Variants in RBPMS observed in about 807,000 individuals in gnomAD.
The protein encoded by RBPMS is RNA binding protein, mRNA processing factor, also known as RNA-binding protein with multiple splicing.
Under a neutral mutation model 26.8 loss-of-function variants are expected in RBPMS, and 7 were observed. The ratio of observed to expected loss-of-function variants is 0.26; its 90% CI spans 0.15 to 0.49. RBPMS has a LOEUF of 0.49. RBPMS is among the 20% of genes least tolerant of loss of function. RBPMS has a pLI of 0.98. For synonymous variants in RBPMS, 96 were observed against 93.3 expected (o/e 1.03, Z -0.17); for missense variants, 186 against 250.0 (o/e 0.74, Z 1.73).
intron 5 of RBPMS, among the ~76,000 whole-genome samples, chr8:30,535,146 C>G (rs1824652786): frequency 6.6e-6 from 1 of 152,130 alleles, no homozygotes; most frequent in African/African-American, 2.4e-5. Context: ...AGAAAACTGA[C>G]ATTTTCTTAA....
intron 6 of RBPMS, among the ~76,000 whole-genome samples, chr8:30,546,097 G>A (rs1825846171): frequency 6.6e-6 from 1 of 152,150 alleles, no homozygotes; most frequent in African/African-American, 2.4e-5. Context: ...TAGGATCTTT[G>A]TAGCAGGCTG....
intron 6 of RBPMS, chr8:30,558,577 A>G: frequency 2.1e-6 from 1 of 483,792 alleles, no homozygotes; most frequent in East Asian, 3.9e-5. Flanking sequence ...GCTGTGCCGG[A>G]TCTTAGCCTC....
At chr8:30,435,966 C>A (rs1812411659) in intron 1 of RBPMS, among the ~76,000 whole-genome samples, 1 of 152,084 alleles carries the variant, frequency 6.6e-6, no homozygotes, top group South Asian at 2.1e-4. Context: ...GCCACTGTGC[C>A]TGGCCTGGTT....
intron 5 of RBPMS, among the ~76,000 whole-genome samples, chr8:30,511,487 ATATATATATATATAT>A (rs1303691793): frequency 0.054 from 685 of 12,674 alleles, 35 homozygotes; most frequent in East Asian, 0.31. Context: ...AAAAAAAAAA[ATATATATATATATAT>A]ATATATATAT....
At position 30,477,940 on chromosome 8, in the gene RBPMS, T is replaced by A. The variant is rs1371508245; in HGVS notation, c.183+103T>A. 4 of 779,234 alleles carry A rather than the reference T, an allele frequency of 5.1e-6. No homozygotes were observed. In the East Asian group the frequency reaches 1.0e-4, roughly 20 times the overall value. The allele number at this position is 779,234 out of a possible 1,614,324, so 48.3% of individuals were successfully genotyped here. A position where few individuals can be genotyped will look rare whatever the true frequency, so the allele number is the denominator to read the frequency against. ...TTTATTCCCATTAGAATTTGAGGGG[T>A]TTTTTGTCTTTAAAATTAAAAGTGA... On this transcript the variant is annotated intron_variant, in intron 3 of 8. Coordinates refer to ENST00000397323, the MANE Select transcript of RBPMS (RefSeq NM_001008710.3).
Position 30,384,889 on chromosome 8 carries a change from G to GC in RBPMS, c.-202dup. ...CTCCCTTGCACTTCCTGAGTCGCCC[G>GC]CCGCCGCCGTCGCAGACTCGCCGCG... On this transcript the variant is annotated 5_prime_UTR_variant, in exon 1 of 9. Coordinates refer to ENST00000397323, the MANE Select transcript of RBPMS (RefSeq NM_001008710.3). The surrounding 1 kb of genome is among the most constrained non-coding windows in gnomAD (Gnocchi z 5.6). The GC allele has an allele frequency of 2.9e-6, 1 of 347,396 alleles. No homozygotes were observed. Among genetic ancestry groups the GC allele is most frequent in the Non-Finnish European group, 5.1e-6 (1 of 196,500 alleles). The allele number at this position is 347,396 out of a possible 1,614,324, so 21.5% of individuals were successfully genotyped here. A position where few individuals can be genotyped will look rare whatever the true frequency, so the allele number is the denominator to read the frequency against.
intron 1 of RBPMS, among the ~76,000 whole-genome samples, chr8:30,458,985 C>T (rs1484165733): frequency 1.3e-4 from 18 of 137,176 alleles, no homozygotes; most frequent in Non-Finnish European, 2.6e-4. Flanking sequence ...TTTTTTGAGA[C>T]GGAGTCTCAC....
chr8:30,511,680 T>C (rs1821733704), intron 5 of RBPMS, among the ~76,000 whole-genome samples: 6 of 150,934 alleles, frequency 4.0e-5, no homozygotes, highest in Admixed American at 3.3e-4. Context: ...AAAAATTAGC[T>C]GGGCATGATG....
intron 5 of RBPMS, among the ~76,000 whole-genome samples, chr8:30,542,671 G>C (rs1023352905): frequency 6.6e-6 from 1 of 152,222 alleles, no homozygotes; most frequent in Admixed American, 6.5e-5. Flanking sequence ...TAGCCTGGTC[G>C]CTAAACAACA....
At chr8:30,428,184 C>T (rs1402072678) in intron 1 of RBPMS, among the ~76,000 whole-genome samples, 2 of 151,884 alleles carry the variant, frequency 1.3e-5, no homozygotes, top group Admixed American at 1.3e-4. Flanking sequence ...CCACCACGCC[C>T]AGCTAATTTT....
chr8:30,531,492 TACTA>T (rs776271741), intron 5 of RBPMS, among the ~76,000 whole-genome samples: 17 of 152,358 alleles, frequency 1.1e-4, no homozygotes, highest in Admixed American at 3.3e-4. Flanking sequence ...TAGAATTACT[TACTA>T]TTCCCCAGAA....
chr8:30,523,193 A>C (rs1349451202), intron 5 of RBPMS, among the ~76,000 whole-genome samples: 1 of 152,086 alleles, frequency 6.6e-6, no homozygotes, highest in East Asian at 1.9e-4. Flanking sequence ...CCTGCCCAAC[A>C]TGGCAAAACC....
chr8:30,549,513 A>C, intron 6 of RBPMS: 1 of 1,613,838 alleles, frequency 6.2e-7, no homozygotes, highest in Non-Finnish European at 8.5e-7. Context: ...TGTGAAGGTC[A>C]GACTGTGAGG....
chr8:30,534,083 G>A (rs1347538019), intron 5 of RBPMS, among the ~76,000 whole-genome samples: 4 of 150,802 alleles, frequency 2.7e-5, no homozygotes, highest in African/African-American at 7.3e-5. Flanking sequence ...GCAGTGAGCC[G>A]AAATTGCGCC....
chr8:30,506,653 G>A (rs894095071), intron 5 of RBPMS, among the ~76,000 whole-genome samples: 1 of 152,196 alleles, frequency 6.6e-6, no homozygotes, highest in African/African-American at 2.4e-5. Flanking sequence ...TACTTATCAG[G>A]TGTAGAATAT....
At chr8:30,566,725 AATT>A (rs757638817) in intron 8 of RBPMS, among the ~76,000 whole-genome samples, 12 of 152,156 alleles carry the variant, frequency 7.9e-5, no homozygotes, top group African/African-American at 2.4e-4. Context: ...TTTGGGGGGA[AATT>A]ATTATTTTGT....
At chr8:30,544,291 T>A (rs149948643) in intron 5 of RBPMS, among the ~76,000 whole-genome samples, 84 of 152,356 alleles carry the variant, frequency 5.5e-4, no homozygotes, top group African/African-American at 2.0e-3. Context: ...CAGCAGATGC[T>A]TGTTGCTTTT....
chr8:30,415,965 A>G (rs931386607), intron 1 of RBPMS, among the ~76,000 whole-genome samples: 1 of 152,214 alleles, frequency 6.6e-6, no homozygotes, highest in Admixed American at 6.5e-5. Context: ...ACGTAACACA[A>G]TGAATCCCCT....
intron 1 of RBPMS, among the ~76,000 whole-genome samples, chr8:30,466,982 C>T (rs1285889328): frequency 6.6e-6 from 1 of 152,184 alleles, no homozygotes; most frequent in Non-Finnish European, 1.5e-5. Flanking sequence ...CTTCCCAGGG[C>T]ACAGAAAAGG....
Sources: gnomAD v4.1 joint callset for allele counts (sites outside exome capture counted in the v4.1 genomes callset) on GRCh38, gnomAD v4.1.1 for gene constraint, Gnocchi (gnomAD v3.1) non-coding constraint, MANE v1.5 for transcripts, NCBI Gene and HGNC (gene_info 2026-07-23, HGNC 2026-07-21) for gene names.